Variants in KIAA2012 observed in about 807,000 individuals in gnomAD.
KIAA2012 encodes the protein KIAA2012.
A neutral mutation model predicts 150.6 loss-of-function variants in KIAA2012; 125 were observed. That is an observed-to-expected ratio of 0.83 (90% CI 0.72 to 0.96). The LOEUF (loss-of-function observed/expected upper bound fraction) is 0.96, where lower values mean the gene tolerates loss of function less well. Ranked by LOEUF, KIAA2012 falls within the 40% of genes least tolerant of loss-of-function variation. The pLI is 0.00. For missense variants in KIAA2012, 1,219 were observed against 1,354.9 expected (o/e 0.90, Z 1.57); for synonymous variants, 462 against 504.7 (o/e 0.92, Z 1.13).
chr2:202,093,466 T>C (rs1200459842), intron 4 of KIAA2012, among the ~76,000 whole-genome samples: 1 of 152,234 alleles, frequency 6.6e-6, no homozygotes, highest in Non-Finnish European at 1.5e-5. Flanking sequence ...CTTTTTATTT[T>C]ATATTAATTA....
At chr2:202,141,839 G>T (rs1235738734) in intron 13 of KIAA2012, among the ~76,000 whole-genome samples, 1 of 152,158 alleles carries the variant, frequency 6.6e-6, no homozygotes, top group Non-Finnish European at 1.5e-5. Flanking sequence ...GAGGCCGCAG[G>T]TTGGGTAAGG....
At chr2:202,158,603 C>A (rs1203444087) in intron 14 of KIAA2012, among the ~76,000 whole-genome samples, 1 of 152,120 alleles carries the variant, frequency 6.6e-6, no homozygotes, top group African/African-American at 2.4e-5. Flanking sequence ...CTCAGGTGAT[C>A]CACCTGCCTC....
chr2:202,109,519 C>A, intron 9 of KIAA2012, 94 bp from the exon 10 acceptor site: 3 of 1,105,922 alleles, frequency 2.7e-6, no homozygotes, highest in African/African-American at 1.6e-5. Context: ...AGTCTTCACA[C>A]AGAGGTCCTT....
intron 15 of KIAA2012, among the ~76,000 whole-genome samples, chr2:202,166,860 A>G (rs1038603877): frequency 3.9e-5 from 6 of 152,174 alleles, no homozygotes; most frequent in Non-Finnish European, 7.3e-5. Flanking sequence ...AAGACAGGTC[A>G]AATCAGCAAC....
chr2:202,099,163 A>AT (rs578058363), intron 5 of KIAA2012, among the ~76,000 whole-genome samples: 2 of 151,476 alleles, frequency 1.3e-5, no homozygotes, highest in Non-Finnish European at 2.9e-5. Context: ...AATTTTTAAA[A>AT]TTTTTTTGTA....
Position 202,105,882 on chromosome 2 carries a change from C to T in KIAA2012, c.1446C>T (p.Asp482=), listed in dbSNP as rs754346179. 30 of 1,550,746 alleles carry T rather than the reference C, an allele frequency of 1.9e-5. No homozygotes were observed. Among genetic ancestry groups the T allele is most frequent in the African/African-American group, 2.7e-5 (2 of 73,026 alleles). Residue 482 remains aspartate (D), a synonymous_variant, in exon 9 of 24, where the codon GAC becomes GAT. Transcript: ENST00000498697. ...PWELTVHLPV[D]ASRDTLSPQD... ...AGTTAACAGTGCATCTCCCAGTGGA[C>T]GCGAGCAGGGACACACTCTCACCTC...
chr2:202,193,481 C>A lies in KIAA2012; in HGVS notation c.2992C>A (p.Gln998Lys). Reference protein sequence around the residue: ...KMEEELELEQQRRTEEIRLRK... With the variant: ...KMEEELELEQKRRTEEIRLRK... ...GGAGGAGGAGCTGGAGCTGGAGCAG[C>A]AGAGACGTACAGAAGAGATCCGGTA... Residue 998 changes from glutamine (Q) to lysine (K), a missense_variant, in exon 20 of 24, where the codon CAG (glutamine) becomes AAG (lysine). Gln to Lys is a moderately conservative substitution (Grantham distance 53). Coordinates refer to ENST00000498697, the MANE Select transcript of KIAA2012 (RefSeq NM_001277372.4). The A allele has an allele frequency of 6.5e-7, 1 of 1,550,102 alleles. No homozygotes were observed. Among genetic ancestry groups the A allele is most frequent in the Non-Finnish European group, 8.7e-7 (1 of 1,146,882 alleles).
chr2:202,075,637 T>C (rs1285926813), intron 2 of KIAA2012, among the ~76,000 whole-genome samples: 1 of 152,230 alleles, frequency 6.6e-6, no homozygotes, highest in Non-Finnish European at 1.5e-5. Flanking sequence ...GATAAGTTAA[T>C]GACTTTTTCC....
At chr2:202,114,524 C>T (rs145349474) in intron 11 of KIAA2012, 2 of 167,126 alleles carry the variant, frequency 1.2e-5, no homozygotes, top group Non-Finnish European at 2.9e-5. Context: ...TGATTCTGTT[C>T]ACCTGCTGCA....
chr2:202,138,624 T>A, intron 13 of KIAA2012, 116 bp downstream of exon 13: 1 of 671,498 alleles, frequency 1.5e-6, no homozygotes, highest in Non-Finnish European at 2.5e-6. Flanking sequence ...CTCATTTGCC[T>A]AATCAGTAAA....
intron 11 of KIAA2012, among the ~76,000 whole-genome samples, chr2:202,117,819 C>T (rs1194502507): frequency 2.0e-5 from 3 of 152,166 alleles, no homozygotes; most frequent in Non-Finnish European, 2.9e-5. Context: ...CTAGAGCCTC[C>T]GATATGCTGA....
At chr2:202,109,910 A>T (rs1223072849) in intron 10 of KIAA2012, 121 bp downstream of exon 10, 8 of 845,842 alleles carry the variant, frequency 9.5e-6, no homozygotes, top group Non-Finnish European at 1.4e-5. Context: ...GGGGTAATTG[A>T]CACTGTTTCT....
chr2:202,145,678 C>CTT (rs36059685), intron 13 of KIAA2012, among the ~76,000 whole-genome samples: 1,486 of 75,298 alleles, frequency 0.02, no homozygotes, highest in African/African-American at 0.021. Context: ...TTGAGAGGGT[C>CTT]TTTTTTTTTT....
chr2:202,080,171 T>A (rs1320822050), intron 2 of KIAA2012, among the ~76,000 whole-genome samples: 1 of 152,170 alleles, frequency 6.6e-6, no homozygotes, highest in Non-Finnish European at 1.5e-5. Context: ...AAGAAGCATC[T>A]CCCCAGCTTT....
intron 12 of KIAA2012, among the ~76,000 whole-genome samples, chr2:202,131,042 T>A (rs1032056964): frequency 4.6e-5 from 7 of 152,250 alleles, no homozygotes; most frequent in African/African-American, 1.7e-4. Flanking sequence ...CCTGAGGATT[T>A]TGCTATTGTC....
intron 9 of KIAA2012, among the ~76,000 whole-genome samples, chr2:202,108,592 C>T (rs183229157): frequency 6.6e-6 from 1 of 152,272 alleles, no homozygotes; most frequent in African/African-American, 2.4e-5. Context: ...GAATTACCTT[C>T]GATTTGGATT....
rs569133883 is a variant in KIAA2012 at position 202,155,393 on chromosome 2, G to C, written c.2046+583G>C. 2.6e-5 allele frequency among the ~76,000 whole-genome samples: 4 copies of C among 152,196 alleles called. No homozygotes were observed. In the South Asian group the frequency reaches 8.3e-4, roughly 32 times the overall value. ...CACCCCAGCATCGAACACAGTGCCC[G>C]ACACATGGAAGGTGCTCATTAAATG... is the stretch of plus-strand genomic sequence containing the variant. On this transcript the variant is annotated intron_variant, in intron 14 of 23. Coordinates refer to ENST00000498697, the MANE Select transcript of KIAA2012 (RefSeq NM_001277372.4).
intron 12 of KIAA2012, chr2:202,125,848 G>C (rs1351202196): frequency 2.2e-6 from 1 of 449,630 alleles, no homozygotes; most frequent in Non-Finnish European, 4.4e-6. Flanking sequence ...TGCTGCTTCA[G>C]ACCAAGGGAA....
chr2:202,127,637 A>G (rs980189009), intron 12 of KIAA2012, among the ~76,000 whole-genome samples: 1 of 152,186 alleles, frequency 6.6e-6, no homozygotes, highest in African/African-American at 2.4e-5. Flanking sequence ...CCTCGCAGAA[A>G]GCTGTAGATC....
Sources: allele counts gnomAD v4.1 joint callset (sites outside exome capture counted in the v4.1 genomes callset), GRCh38; gene constraint gnomAD v4.1.1; transcripts MANE v1.5; gene names NCBI Gene and HGNC (gene_info 2026-07-23, HGNC 2026-07-21).